KCNQ3: variants seen among roughly 807,000 people sequenced by gnomAD.
The protein encoded by KCNQ3 is potassium voltage-gated channel subfamily Q member 3.
Under a neutral mutation model 92.5 loss-of-function variants are expected in KCNQ3, and 30 were observed. The ratio of observed to expected loss-of-function variants is 0.32; its 90% confidence interval spans 0.24 to 0.44. The LOEUF (loss-of-function observed/expected upper bound fraction) is 0.44, where lower values mean the gene tolerates loss of function less well. Ranked by LOEUF, KCNQ3 falls within the 20% of genes least tolerant of loss-of-function variation. KCNQ3 has a pLI of 1.00. For missense variants in KCNQ3, 913 were observed against 1,140.3 expected, an observed-to-expected ratio of 0.80 and a Z score of 2.87; for synonymous variants, 450 against 468.8, an observed-to-expected ratio of 0.96 and a Z score of 0.52.
chr8:132,322,070 A>T (rs1817911082), intron 1 of KCNQ3, among the ~76,000 whole-genome samples: 1 of 152,174 alleles, frequency 6.6e-6, no homozygotes, highest in African/African-American at 2.4e-5. Context: ...AAAGAAGTGA[A>T]AGAAGAGGGG....
intron 3 of KCNQ3, among the ~76,000 whole-genome samples, chr8:132,181,739 T>A (rs1027579329): frequency 1.4e-4 from 22 of 152,028 alleles, no homozygotes; most frequent in African/African-American, 5.3e-4. Flanking sequence ...CCTCAACTCA[T>A]ATCAAGGCAC....
intron 1 of KCNQ3, among the ~76,000 whole-genome samples, chr8:132,460,374 A>G (rs1822034602): frequency 6.6e-6 from 1 of 152,190 alleles, no homozygotes; most frequent in Non-Finnish European, 1.5e-5. Context: ...TTACATGCAT[A>G]TTTCCAACTC....
At position 132,137,913 on chromosome 8, in the gene KCNQ3, G is replaced by T. The variant is rs762201196; in HGVS notation, c.1672C>A (p.Leu558Ile). 1 of 1,614,046 alleles carries T rather than the reference G, an allele frequency of 6.2e-7. No individual in the cohort carries two copies. The highest frequency in any genetic ancestry group is 8.5e-7 in the Non-Finnish European group (1 of 1,180,004). ...EQYSAGHLDM[L>I]SRIKYLQTRI... The stretch of plus-strand genomic sequence containing the variant: ...GTCTGAAGGTACTTTATCCTGGAAA[G>T]CATGTCGAGATGCCCGGCAGAATAC... The change falls in exon 12 of 15, where the codon CTT becomes ATT. Residue 558 changes from leucine (L) to isoleucine (I), a missense_variant. Transcript: ENST00000388996.
chr8:132,452,565 T>C (rs2130850789), intron 1 of KCNQ3, among the ~76,000 whole-genome samples: 1 of 152,244 alleles, frequency 6.6e-6, no homozygotes, highest in Non-Finnish European at 1.5e-5. Flanking sequence ...ACCAAATCCT[T>C]GGGTTCAGCA....
At chr8:132,167,013 T>C (rs1826162439) in intron 8 of KCNQ3, among the ~76,000 whole-genome samples, 1 of 152,106 alleles carries the variant, frequency 6.6e-6, no homozygotes, top group South Asian at 2.1e-4. Context: ...AGCCAAAAAG[T>C]GGAAACAACC....
chr8:132,238,558 T>TA (rs1814888942), intron 1 of KCNQ3, among the ~76,000 whole-genome samples: 2 of 152,196 alleles, frequency 1.3e-5, no homozygotes, highest in South Asian at 4.1e-4. Context: ...CTTCAACTCT[T>TA]ATGCAAACAC....
At chr8:132,168,385 A>G (rs1177472316) in intron 8 of KCNQ3, among the ~76,000 whole-genome samples, 1 of 152,182 alleles carries the variant, frequency 6.6e-6, no homozygotes, top group Non-Finnish European at 1.5e-5. Context: ...TTCCTCTGCA[A>G]GTCACCCGTG....
At chr8:132,158,784 G>A (rs1407877175) in intron 9 of KCNQ3, among the ~76,000 whole-genome samples, 1 of 152,216 alleles carries the variant, frequency 6.6e-6, no homozygotes, top group Non-Finnish European at 1.5e-5. Context: ...CTATGCCGGG[G>A]AAGCAGTCAG....
intron 1 of KCNQ3, among the ~76,000 whole-genome samples, chr8:132,255,360 A>G (rs1815551177): frequency 1.3e-5 from 2 of 152,224 alleles, no homozygotes; most frequent in South Asian, 4.1e-4. Flanking sequence ...TTTGTTGAAA[A>G]CAAGCAGTGG....
chr8:132,288,989 A>G (rs1816761758), intron 1 of KCNQ3, among the ~76,000 whole-genome samples: 1 of 152,232 alleles, frequency 6.6e-6, no homozygotes, highest in African/African-American at 2.4e-5. Flanking sequence ...AAAAGGTAGG[A>G]GTTCCAAGTG....
At chr8:132,369,638 A>G (rs1819419098) in intron 1 of KCNQ3, among the ~76,000 whole-genome samples, 1 of 152,042 alleles carries the variant, frequency 6.6e-6, no homozygotes, top group South Asian at 2.1e-4. Flanking sequence ...GAGACACAGG[A>G]GCCAACAGAA....
At chr8:132,367,031 TAGCC>T (rs1819341957) in intron 1 of KCNQ3, among the ~76,000 whole-genome samples, 3 of 152,188 alleles carry the variant, frequency 2.0e-5, no homozygotes, top group Admixed American at 2.0e-4. Flanking sequence ...GAGCAAGAAT[TAGCC>T]AGGGGAGGAG....
intron 1 of KCNQ3, among the ~76,000 whole-genome samples, chr8:132,329,640 T>A (rs1156884067): frequency 1.3e-5 from 2 of 152,192 alleles, no homozygotes. Flanking sequence ...TAACTAACCA[T>A]GCCAAGCCTC....
intron 3 of KCNQ3, among the ~76,000 whole-genome samples, chr8:132,183,135 G>A (rs1826845875): frequency 6.6e-6 from 1 of 152,194 alleles, no homozygotes; most frequent in South Asian, 2.1e-4. Flanking sequence ...TCAGTCCTGG[G>A]AATGACTTTT....
chr8:132,428,057 A>G (rs2130819931), intron 1 of KCNQ3, among the ~76,000 whole-genome samples: 1 of 151,734 alleles, frequency 6.6e-6, no homozygotes, highest in East Asian at 1.9e-4. Context: ...TCTGATTCTG[A>G]TTATGTATAT....
chr8:132,138,165 TA>T (rs1825168225), intron 11 of KCNQ3, 149 bp from the exon 12 acceptor site: 1 of 838,030 alleles, frequency 1.2e-6, no homozygotes, highest in South Asian at 1.5e-5. Flanking sequence ...GTTCTGGTTC[TA>T]CCCCTTGGAA....
chr8:132,227,463 G>C (rs1307751443), intron 1 of KCNQ3, among the ~76,000 whole-genome samples: 2 of 152,158 alleles, frequency 1.3e-5, no homozygotes, highest in Admixed American at 6.5e-5. Context: ...CCGGATGTCT[G>C]CAAGTCTAAA....
intron 1 of KCNQ3, among the ~76,000 whole-genome samples, chr8:132,322,632 G>A (rs1420353952): frequency 6.6e-6 from 1 of 152,206 alleles, no homozygotes; most frequent in African/African-American, 2.4e-5. Flanking sequence ...GCCAGAGCAT[G>A]AGTACCACAC....
At chr8:132,334,202 C>T (rs111439050) in intron 1 of KCNQ3, among the ~76,000 whole-genome samples, 1,597 of 151,972 alleles carry the variant, frequency 0.011, 34 homozygotes, top group African/African-American at 0.037. Context: ...AAAGTTGTGG[C>T]CGGGTGTGGT....
Sources: gnomAD v4.1 joint callset for allele counts (sites outside exome capture counted in the v4.1 genomes callset) on GRCh38, gnomAD v4.1.1 for gene constraint, MANE v1.5 for transcripts, NCBI Gene and HGNC (gene_info 2026-07-23, HGNC 2026-07-21) for gene names.